CFAP61: variants seen among roughly 807,000 people sequenced by gnomAD.
The protein encoded by CFAP61 is cilia and flagella associated protein 61.
A neutral mutation model predicts 135.6 loss-of-function variants in CFAP61; 107 were observed. That is an observed-to-expected ratio of 0.79 (90% CI 0.67 to 0.93). The LOEUF (loss-of-function observed/expected upper bound fraction) is 0.93, where lower values mean the gene tolerates loss of function less well. Among genes scored for constraint, CFAP61 ranks in the 40% least tolerant of loss-of-function variants. CFAP61 has a pLI of 0.00. For missense variants in CFAP61, 1,507 were observed against 1,556.2 expected (o/e 0.97, Z 0.53); for synonymous variants, 575 against 578.5 (o/e 0.99, Z 0.09).
intron 19 of CFAP61, among the ~76,000 whole-genome samples, chr20:20,248,961 T>C (rs1459718148): frequency 6.6e-6 from 1 of 152,228 alleles, no homozygotes; most frequent in Non-Finnish European, 1.5e-5. Flanking sequence ...ACATTAGTTT[T>C]GAGTCACGGT....
chr20:20,322,567 A>C (rs1245476295), intron 25 of CFAP61: 9 of 422,092 alleles, frequency 2.1e-5, no homozygotes, highest in African/African-American at 4.3e-5. Context: ...CCCACATAGT[A>C]AGCCAGTGTA....
At chr20:20,165,800 C>T (rs1225003785) in intron 11 of CFAP61, among the ~76,000 whole-genome samples, 1 of 152,092 alleles carries the variant, frequency 6.6e-6, no homozygotes, top group African/African-American at 2.4e-5. Flanking sequence ...TTTTTCATCT[C>T]GAGTTTTTAG....
chr20:20,108,940 T>A (rs1191837812), intron 8 of CFAP61, among the ~76,000 whole-genome samples: 2 of 152,266 alleles, frequency 1.3e-5, no homozygotes, highest in African/African-American at 4.8e-5. Flanking sequence ...GTCCTGAGGA[T>A]GTCCTTTGTG....
At chr20:20,217,402 C>T (rs955999823) in intron 17 of CFAP61, among the ~76,000 whole-genome samples, 2 of 152,248 alleles carry the variant, frequency 1.3e-5, no homozygotes, top group South Asian at 2.1e-4. Context: ...AATAGAGTCG[C>T]GCATGTTAGC....
chr20:20,315,172 A>G (rs1601962502), intron 25 of CFAP61, among the ~76,000 whole-genome samples: 1 of 151,776 alleles, frequency 6.6e-6, no homozygotes, highest in Admixed American at 6.6e-5. Flanking sequence ...AAGTGTTCCT[A>G]TTTCTCCACA....
intron 8 of CFAP61, among the ~76,000 whole-genome samples, chr20:20,102,156 A>C (rs979041239): frequency 1.3e-5 from 2 of 151,984 alleles, no homozygotes; most frequent in Non-Finnish European, 2.9e-5. Context: ...CAAGGAATAG[A>C]CTCTGTTTCC....
At chr20:20,299,333 T>C (rs867460402) in intron 25 of CFAP61, among the ~76,000 whole-genome samples, 89 of 152,226 alleles carry the variant, frequency 5.8e-4, no homozygotes, top group African/African-American at 1.9e-3. Context: ...AGGTAGCCAC[T>C]GTCCTGAAGT....
At chr20:20,223,665 C>T (rs1481119959) in intron 17 of CFAP61, among the ~76,000 whole-genome samples, 1 of 152,134 alleles carries the variant, frequency 6.6e-6, no homozygotes, top group Non-Finnish European at 1.5e-5. Flanking sequence ...GAAACCAAAC[C>T]ACATGCGGAA....
chr20:20,106,264 AC>A (rs2146657090), intron 8 of CFAP61, among the ~76,000 whole-genome samples: 1 of 151,916 alleles, frequency 6.6e-6, no homozygotes, highest in Admixed American at 6.6e-5. Flanking sequence ...CAGGGACATG[AC>A]CCCAAAGCCA....
At chr20:20,120,147 C>G (rs1229997590) in intron 8 of CFAP61, among the ~76,000 whole-genome samples, 1 of 152,058 alleles carries the variant, frequency 6.6e-6, no homozygotes, top group Non-Finnish European at 1.5e-5. Context: ...GATTTTTGCT[C>G]CCATCTTTAT....
intron 18 of CFAP61, 100 bp from the exon 19 acceptor site, chr20:20,246,017 C>A: frequency 2.8e-6 from 2 of 719,448 alleles, no homozygotes; most frequent in Non-Finnish European, 2.4e-6. Flanking sequence ...AGCAATTCAA[C>A]AGTTGGATGA....
At chr20:20,304,318 G>C (rs1325582533) in intron 25 of CFAP61, among the ~76,000 whole-genome samples, 1 of 151,888 alleles carries the variant, frequency 6.6e-6, no homozygotes, top group Non-Finnish European at 1.5e-5. Context: ...GAGAGAGAGA[G>C]AGAGAGAGAG....
At chr20:20,073,412 G>A (rs2146573771) in intron 3 of CFAP61, among the ~76,000 whole-genome samples, 1 of 152,314 alleles carries the variant, frequency 6.6e-6, no homozygotes, top group Admixed American at 6.5e-5. Context: ...TCCGACAGAA[G>A]TGGGGACAAG....
intron 25 of CFAP61, among the ~76,000 whole-genome samples, chr20:20,336,796 C>T (rs550780179): frequency 6.6e-6 from 1 of 152,254 alleles, no homozygotes; most frequent in East Asian, 1.9e-4. Context: ...GCCACAGTGC[C>T]AGGCCTTGTG....
chr20:20,173,262 G>A (rs942486543), intron 13 of CFAP61, among the ~76,000 whole-genome samples: 2 of 152,160 alleles, frequency 1.3e-5, no homozygotes, highest in African/African-American at 4.8e-5. Flanking sequence ...TTTTATGTGG[G>A]TGAAAGTTTT....
At chr20:20,262,579 G>A (rs961322051) in intron 20 of CFAP61, among the ~76,000 whole-genome samples, 2 of 152,180 alleles carry the variant, frequency 1.3e-5, no homozygotes, top group African/African-American at 4.8e-5. Flanking sequence ...CAGCCCCTGA[G>A]TCACCCCTAG....
chr20:20,305,985 G>A lies in CFAP61; in HGVS notation c.3422+7599G>A, dbSNP rs181186980. On this transcript the variant is annotated intron_variant, in intron 25 of 26. Coordinates refer to ENST00000245957, the MANE Select transcript of CFAP61 (RefSeq NM_015585.4). Reference sequence around the variant, plus strand: ...GATGGTCAACTTTAGATCTGGAAGTGTAGACCAAGGAGGAGGCGAAAGTCC... The same window carrying A: ...GATGGTCAACTTTAGATCTGGAAGTATAGACCAAGGAGGAGGCGAAAGTCC... Among the ~76,000 whole-genome samples, 39 of 152,302 alleles carry A rather than the reference G, an allele frequency of 2.6e-4. 1 individual carries two copies. The East Asian group carries it at 7.1e-3, about 28-fold the overall frequency.
chr20:20,157,158 C>T (rs748091957), intron 9 of CFAP61, among the ~76,000 whole-genome samples: 19 of 152,234 alleles, frequency 1.2e-4, no homozygotes, highest in South Asian at 6.2e-4. Flanking sequence ...GTGCAACCTC[C>T]GCCTCCCAGG....
chr20:20,292,022 C>G (rs528377122), intron 24 of CFAP61, among the ~76,000 whole-genome samples: 8 of 152,310 alleles, frequency 5.3e-5, no homozygotes, highest in African/African-American at 1.7e-4. Flanking sequence ...CAGGTTCTGG[C>G]CAATGAGATG....
Sources: allele counts gnomAD v4.1 joint callset (sites outside exome capture counted in the v4.1 genomes callset), GRCh38; gene constraint gnomAD v4.1.1; transcripts MANE v1.5; gene names NCBI Gene and HGNC (gene_info 2026-07-23, HGNC 2026-07-21).